Variants in FTO observed in about 807,000 individuals in gnomAD.
FTO encodes the protein alpha-ketoglutarate-dependent dioxygenase FTO.
Under a neutral mutation model 63.9 loss-of-function variants are expected in FTO, and 47 were observed. The ratio of observed to expected loss-of-function variants is 0.74; its 90% confidence interval spans 0.58 to 0.94. FTO has a LOEUF of 0.94. Ranked by LOEUF, FTO falls within the 40% of genes least tolerant of loss-of-function variation. The pLI is 0.00. For synonymous variants in FTO, 207 were observed against 224.4 expected (o/e 0.92, Z 0.69); for missense variants, 562 against 618.1 (o/e 0.91, Z 0.96).
At chr16:53,805,427 A>G (rs1049280374) in intron 1 of FTO, among the ~76,000 whole-genome samples, 5 of 146,478 alleles carry the variant, frequency 3.4e-5, no homozygotes, top group African/African-American at 7.6e-5. Context: ...TTAAACCCTT[A>G]TGAGTTTGAG....
chr16:53,953,299 A>C (rs900510074), intron 8 of FTO, among the ~76,000 whole-genome samples: 2 of 152,270 alleles, frequency 1.3e-5, no homozygotes, highest in Non-Finnish European at 2.9e-5. Flanking sequence ...GGCTCTGGAA[A>C]GTAAACGTTG....
At chr16:53,748,621 A>AT (rs2076705118) in intron 1 of FTO, among the ~76,000 whole-genome samples, 1 of 151,794 alleles carries the variant, frequency 6.6e-6, no homozygotes, top group Non-Finnish European at 1.5e-5. Flanking sequence ...TGCCTGGCTA[A>AT]TTTTTTGTAT....
At chr16:54,013,914 A>G (rs528217076) in intron 8 of FTO, among the ~76,000 whole-genome samples, 52 of 152,282 alleles carry the variant, frequency 3.4e-4, no homozygotes, top group Admixed American at 1.4e-3. Flanking sequence ...AATATTGTCA[A>G]TGTGTGCCTG....
intron 8 of FTO, among the ~76,000 whole-genome samples, chr16:54,064,154 T>C (rs919537090): frequency 8.5e-5 from 13 of 152,208 alleles, no homozygotes; most frequent in African/African-American, 2.4e-4. Context: ...AAATGGTACA[T>C]GTAGCTTTAA....
intron 7 of FTO, among the ~76,000 whole-genome samples, chr16:53,892,413 G>A (rs1567406437): frequency 2.0e-5 from 3 of 152,098 alleles, no homozygotes; most frequent in Middle Eastern, 3.2e-3. Flanking sequence ...TCAGTTGTGG[G>A]TTAACAAATT....
intron 2 of FTO, among the ~76,000 whole-genome samples, chr16:53,816,599 A>G (rs1467923965): frequency 6.6e-6 from 1 of 151,072 alleles, no homozygotes; most frequent in South Asian, 2.1e-4. Context: ...TGTTCCCTCA[A>G]CCTGGAACTC....
Position 53,766,525 on chromosome 16 carries a change from G to A in FTO, c.46-43615G>A, listed in dbSNP as rs28715938. 7.1e-3 allele frequency among the ~76,000 whole-genome samples: 1,084 copies of A among 152,230 alleles called. 15 individuals are homozygous for A. The highest frequency in any genetic ancestry group is 0.025 in the African/African-American group (1,024 of 41,536). ...GGTGTGAGCCTCTGCCCTGGCCTGA[G>A]CAACTAGATTGTGACCATTTACTGA... is the stretch of plus-strand genomic sequence containing the variant. On this transcript the variant is annotated intron_variant, in intron 1 of 8. Transcript: ENST00000471389.
chr16:53,812,217 C>G (rs1014094819), intron 2 of FTO, among the ~76,000 whole-genome samples: 4 of 152,080 alleles, frequency 2.6e-5, no homozygotes, highest in Non-Finnish European at 4.4e-5. Flanking sequence ...AGAGAGTTGT[C>G]TCTGCTTCCT....
chr16:53,911,086 C>T (rs1044542731), intron 7 of FTO, among the ~76,000 whole-genome samples: 4 of 152,120 alleles, frequency 2.6e-5, no homozygotes, highest in Non-Finnish European at 4.4e-5. Flanking sequence ...CAGAGCCAAG[C>T]GTAGATTTGG....
chr16:53,968,904 C>T (rs2083255286), intron 8 of FTO, among the ~76,000 whole-genome samples: 1 of 152,166 alleles, frequency 6.6e-6, no homozygotes, highest in African/African-American at 2.4e-5. Context: ...CAGTACAGCA[C>T]ATTCAAACTC....
At chr16:53,995,685 C>T (rs1447038005) in intron 8 of FTO, among the ~76,000 whole-genome samples, 1 of 152,170 alleles carries the variant, frequency 6.6e-6, no homozygotes, top group Non-Finnish European at 1.5e-5. Context: ...AAACACAGTT[C>T]CTACTCCGCC....
intron 7 of FTO, among the ~76,000 whole-genome samples, chr16:53,912,415 G>A (rs1178028233): frequency 2.0e-5 from 3 of 152,144 alleles, no homozygotes; most frequent in Non-Finnish European, 2.9e-5. Flanking sequence ...AAAAAGGAGT[G>A]TCTTCCATTA....
intron 4 of FTO, among the ~76,000 whole-genome samples, chr16:53,855,068 G>C (rs935648406): frequency 1.3e-5 from 2 of 151,182 alleles, no homozygotes; most frequent in Non-Finnish European, 2.9e-5. Flanking sequence ...AAGGGATTGA[G>C]TTCTTGATTT....
At chr16:54,014,836 TTCTC>T (rs1278613930) in intron 8 of FTO, among the ~76,000 whole-genome samples, 2 of 119,484 alleles carry the variant, frequency 1.7e-5, no homozygotes, top group Non-Finnish European at 3.2e-5. Flanking sequence ...ATCTCCTACT[TTCTC>T]TCTCTCTCTC....
chr16:53,837,844 A>G (rs1252119735), intron 3 of FTO, among the ~76,000 whole-genome samples: 1 of 152,232 alleles, frequency 6.6e-6, no homozygotes, highest in Non-Finnish European at 1.5e-5. Context: ...CTGAAAACAG[A>G]TCTGACTGGT....
intron 2 of FTO, among the ~76,000 whole-genome samples, chr16:53,819,923 G>A (rs898648265): frequency 3.9e-5 from 6 of 151,932 alleles, no homozygotes; most frequent in African/African-American, 1.2e-4. Context: ...GTCTTTTAAA[G>A]CTTTTATTCT....
intron 8 of FTO, among the ~76,000 whole-genome samples, chr16:54,065,613 G>A (rs553560534): frequency 1.3e-5 from 2 of 152,310 alleles, no homozygotes; most frequent in Admixed American, 6.5e-5. Flanking sequence ...ACTTTTCAGC[G>A]AGAGTGCTTG....
chr16:54,019,002 C>T (rs1202246141), intron 8 of FTO, among the ~76,000 whole-genome samples: 3 of 152,222 alleles, frequency 2.0e-5, no homozygotes, highest in African/African-American at 7.2e-5. Flanking sequence ...ATCATAGGCC[C>T]AATGATGCGA....
At chr16:54,109,051 T>C (rs1322078276) in intron 8 of FTO, among the ~76,000 whole-genome samples, 3 of 152,326 alleles carry the variant, frequency 2.0e-5, no homozygotes, top group African/African-American at 7.2e-5. Context: ...AAAATATCAT[T>C]TGAGTTGGGG....
Sources: gnomAD v4.1 joint callset for allele counts (sites outside exome capture counted in the v4.1 genomes callset) on GRCh38, gnomAD v4.1.1 for gene constraint, MANE v1.5 for transcripts, NCBI Gene and HGNC (gene_info 2026-07-23, HGNC 2026-07-21) for gene names.